ACBD6: variants seen among roughly 807,000 people sequenced by gnomAD.
The protein encoded by ACBD6 is acyl-CoA-binding domain-containing protein 6.
Under a neutral mutation model 37.2 loss-of-function variants are expected in ACBD6, and 28 were observed. That is an observed-to-expected ratio of 0.75 (90% CI 0.56 to 1.03). The LOEUF (loss-of-function observed/expected upper bound fraction) is 1.03. Among genes scored for constraint, ACBD6 ranks in the 50% least tolerant of loss-of-function variants. The pLI is 0.00. For missense variants in ACBD6, 340 were observed against 337.4 expected, an observed-to-expected ratio of 1.01 and a Z score of -0.06; for synonymous variants, 113 against 126.8, an observed-to-expected ratio of 0.89 and a Z score of 0.73.
intron 7 of ACBD6, among the ~76,000 whole-genome samples, chr1:180,314,251 A>C (rs543926201): frequency 6.6e-6 from 1 of 152,182 alleles, no homozygotes; most frequent in East Asian, 1.9e-4. Context: ...TAAGTTATTA[A>C]TATTTTTTTT....
downstream of ACBD6, among the ~76,000 whole-genome samples, chr1:180,284,094 A>T (rs181295966): frequency 1.5e-4 from 23 of 152,326 alleles, no homozygotes; most frequent in Admixed American, 1.2e-3. Flanking sequence ...TAGGTTAAAT[A>T]GCTTTACCTG....
chr1:180,501,922 AAC>A, intron 1 of ACBD6, 121 bp downstream of exon 1: 54 of 960,776 alleles, frequency 5.6e-5, no homozygotes, highest in South Asian at 7.6e-5. Context: ...AAAAAAACAA[AAC>A]AAAATACACA....
chr1:180,285,144 C>T (rs940977209), downstream of ACBD6, among the ~76,000 whole-genome samples: 4 of 151,808 alleles, frequency 2.6e-5, no homozygotes, highest in Non-Finnish European at 5.9e-5. Context: ...CTCAAAAAGA[C>T]GAAAAAACCC....
intron 6 of ACBD6, among the ~76,000 whole-genome samples, chr1:180,325,692 G>T (rs1221334702): frequency 2.0e-5 from 3 of 152,174 alleles, no homozygotes; most frequent in Non-Finnish European, 4.4e-5. Context: ...GGGCACGTTT[G>T]TGCCCATTTT....
chr1:180,482,038 C>T (rs1338535252), intron 3 of ACBD6, among the ~76,000 whole-genome samples: 1 of 151,990 alleles, frequency 6.6e-6, no homozygotes, highest in Admixed American at 6.6e-5. Context: ...ACCTAGAGAA[C>T]CTCAATTTAA....
intron 7 of ACBD6, 88 bp from the exon 8 acceptor site, chr1:180,288,605 A>C: frequency 7.0e-7 from 1 of 1,432,526 alleles, no homozygotes; most frequent in Non-Finnish European, 9.6e-7. Context: ...AGTGCTGAGC[A>C]ATAAGGAATA....
chr1:180,427,551 G>GCAATTGCA (rs1648633316), intron 4 of ACBD6, among the ~76,000 whole-genome samples: 1 of 152,082 alleles, frequency 6.6e-6, no homozygotes, highest in African/African-American at 2.4e-5. Flanking sequence ...TTTCATTGTT[G>GCAATTGCA]CAATTGCATT....
intron 7 of ACBD6, among the ~76,000 whole-genome samples, chr1:180,289,462 G>A (rs1210331973): frequency 6.6e-6 from 1 of 152,176 alleles, no homozygotes; most frequent in Non-Finnish European, 1.5e-5. Flanking sequence ...GCACTGATAA[G>A]GACTGGAGCA....
chr1:180,420,958 G>C (rs563921697), intron 4 of ACBD6, among the ~76,000 whole-genome samples: 1 of 151,834 alleles, frequency 6.6e-6, no homozygotes, highest in East Asian at 1.9e-4. Context: ...CCAGAATATG[G>C]CATTTCTGTC....
intron 3 of ACBD6, among the ~76,000 whole-genome samples, chr1:180,443,187 G>A (rs918294763): frequency 2.0e-5 from 3 of 152,142 alleles, no homozygotes; most frequent in African/African-American, 7.2e-5. Flanking sequence ...CAGTGTTAAG[G>A]CAAGGGCAAA....
At chr1:180,401,746 C>T (rs1647376792) in intron 5 of ACBD6, among the ~76,000 whole-genome samples, 1 of 148,504 alleles carries the variant, frequency 6.7e-6, no homozygotes. Flanking sequence ...TGAGATCGTG[C>T]CACTGTACTC....
At chr1:180,426,572 C>T (rs1648590898) in intron 4 of ACBD6, among the ~76,000 whole-genome samples, 1 of 152,160 alleles carries the variant, frequency 6.6e-6, no homozygotes, top group African/African-American at 2.4e-5. Context: ...AAAATATTGG[C>T]TCTCCCTTCC....
intron 6 of ACBD6, among the ~76,000 whole-genome samples, chr1:180,389,739 T>C (rs1653996633): frequency 6.6e-6 from 1 of 152,246 alleles, no homozygotes; most frequent in African/African-American, 2.4e-5. Flanking sequence ...GATTTGCATT[T>C]CTCTGATGGC....
At chr1:180,375,326 A>G (rs1469995832) in intron 6 of ACBD6, among the ~76,000 whole-genome samples, 1 of 152,130 alleles carries the variant, frequency 6.6e-6, no homozygotes, top group Admixed American at 6.5e-5. Context: ...TCAAATCATG[A>G]GGGAACAGAC....
At chr1:180,366,289 A>G (rs1040539239) in intron 6 of ACBD6, among the ~76,000 whole-genome samples, 2 of 152,196 alleles carry the variant, frequency 1.3e-5, no homozygotes, top group African/African-American at 4.8e-5. Flanking sequence ...TGAGGGTACC[A>G]TCAACTTTAG....
At chr1:180,349,114 A>G (rs1652301185) in intron 6 of ACBD6, among the ~76,000 whole-genome samples, 1 of 151,836 alleles carries the variant, frequency 6.6e-6, no homozygotes, top group Non-Finnish European at 1.5e-5. Flanking sequence ...TGTATCCTTT[A>G]TTTAACTTAA....
chr1:180,472,300 TATGA>T lies in ACBD6; in HGVS notation c.384+19965_384+19968del, dbSNP rs372492418. 5.1e-3 allele frequency among the ~76,000 whole-genome samples: 778 copies of T among 152,330 alleles called. 5 individuals carry two copies. Among genetic ancestry groups the T allele is most frequent in the African/African-American group, 0.018 (737 of 41,572 alleles). ...GGTGATGTGTGGCAAAAAATTATACTATGAATGAATGGCACACACTTTATTGGTA... is the reference window on the plus strand; with the variant it reads ...GGTGATGTGTGGCAAAAAATTATACTATGAATGGCACACACTTTATTGGTA... On this transcript the variant is annotated intron_variant, in intron 3 of 7. Transcript: ENST00000367595.
At chr1:180,415,963 C>A (rs1310557396) in intron 4 of ACBD6, among the ~76,000 whole-genome samples, 1 of 152,004 alleles carries the variant, frequency 6.6e-6, no homozygotes, top group African/African-American at 2.4e-5. Flanking sequence ...TTATCATCAC[C>A]AAATATGCTA....
chr1:180,451,949 A>G (rs1649723511), intron 3 of ACBD6, among the ~76,000 whole-genome samples: 1 of 152,202 alleles, frequency 6.6e-6, no homozygotes, highest in Non-Finnish European at 1.5e-5. Flanking sequence ...AAACTAGGAA[A>G]GACTATACTT....
Sources: gnomAD v4.1 joint callset for allele counts (sites outside exome capture counted in the v4.1 genomes callset) on GRCh38, gnomAD v4.1.1 for gene constraint, MANE v1.5 for transcripts, NCBI Gene and HGNC (gene_info 2026-07-23, HGNC 2026-07-21) for gene names.